The following DAZAP1 variants were observed in gnomAD, a reference collection of about 807,000 sequenced individuals.
The protein encoded by DAZAP1 is DAZ associated protein 1.
A neutral mutation model predicts 60.1 loss-of-function variants in DAZAP1; 6 were observed. The ratio of observed to expected loss-of-function variants is 0.10; its 90% CI spans 0.05 to 0.20. The LOEUF is 0.20. Ranked by LOEUF, DAZAP1 falls within the 10% of genes least tolerant of loss-of-function variation. DAZAP1 has a pLI of 1.00. For synonymous variants in DAZAP1, 235 were observed against 215.9 expected, an observed-to-expected ratio of 1.09 and a Z score of -0.78; for missense variants, 366 against 560.4, an observed-to-expected ratio of 0.65 and a Z score of 3.50.
intron 1 of DAZAP1, chr19:1,410,159 T>C (rs991685200): frequency 6.6e-6 from 1 of 152,328 alleles, no homozygotes; most frequent in African/African-American, 2.4e-5. Context: ...GTCCCTGTGC[T>C]GGCTTAGAAG....
chr19:1,415,024 C>T lies in DAZAP1; in HGVS notation c.30-2476C>T, dbSNP rs536572823. On this transcript the variant is annotated intron_variant, in intron 1 of 11. Transcript: ENST00000233078. ...CAGGCTGGTCTTGAACTCCTGGCCT[C>T]CCGTAATGCTGTGATTATAGGCGTG... 1.5e-4 allele frequency among the ~76,000 whole-genome samples: 23 copies of T among 152,026 alleles called. No individual in the cohort carries two copies. The South Asian group carries it at 3.7e-3, about 25-fold the overall frequency.
intron 1 of DAZAP1, among the ~76,000 whole-genome samples, chr19:1,410,570 C>A (rs1313609358): frequency 6.6e-6 from 1 of 152,246 alleles, no homozygotes; most frequent in Non-Finnish European, 1.5e-5. Context: ...TTGAGCGCCT[C>A]TGACTTGGAT....
chr19:1,414,860 G>C, intron 1 of DAZAP1, among the ~76,000 whole-genome samples: 1 of 149,924 alleles, frequency 6.7e-6, no homozygotes. Context: ...TGAGATCTCT[G>C]TCACCCCTGC....
chr19:1,417,080 C>T (rs958626190), intron 1 of DAZAP1: 2 of 199,048 alleles, frequency 1.0e-5, no homozygotes, highest in Admixed American at 6.5e-5. Context: ...GCATAGGCTT[C>T]TAGTTTACTG....
At position 1,426,222 on chromosome 19, in the gene DAZAP1, G is replaced by A; in HGVS notation, c.546+262G>A. 1 of 448,614 alleles carries A rather than the reference G, an allele frequency of 2.2e-6. No individual in the cohort carries two copies. Among genetic ancestry groups the A allele is most frequent in the Admixed American group, 3.6e-5 (1 of 27,410 alleles). The allele number at this position is 448,614 out of a possible 1,614,324, so 27.8% of individuals were successfully genotyped here. The stretch of plus-strand genomic sequence containing the variant: ...TGACCTGGGACTGGGCGGGTAGGGG[G>A]CTGGGGCTGGGAGGCTGTGGCGGTG... On this transcript the variant is annotated intron_variant, in intron 7 of 11. Transcript: ENST00000233078. The surrounding 1 kb of genome is among the most constrained non-coding windows in gnomAD (Gnocchi z 5.4).
chr19:1,427,270 A>C (rs2083327762), intron 7 of DAZAP1: 1 of 152,344 alleles, frequency 6.6e-6, no homozygotes, highest in Non-Finnish European at 1.5e-5. Context: ...ACGGGGCAGA[A>C]AGAGCTCTGT....
chr19:1,434,894 C>A lies in DAZAP1; in HGVS notation c.1206C>A (p.Phe402Leu). ...GGCAGAACCACAACGTGCAAGGGTT[C>A]CACCCCTACCGACGCTAGCCCGCGG... is the stretch of plus-strand genomic sequence containing the variant. ...GRGQNHNVQG[F>L]HPYRR The change falls in exon 12 of 12, where the codon TTC (phenylalanine) becomes TTA (leucine). Residue 402 changes from phenylalanine to leucine, a missense_variant. By Grantham distance (22) the Phe-to-Leu change is conservative. This residue lies in a region of DAZAP1 where 240 missense variants were observed against 308.8 expected (regional missense o/e 0.78). Transcript: ENST00000233078. The surrounding 1 kb of genome is among the most constrained non-coding windows in gnomAD (Gnocchi z 8.0). 6.6e-7 allele frequency: 1 copy of A among 1,525,518 alleles called. No homozygotes were observed. Among genetic ancestry groups the A allele is most frequent in the Non-Finnish European group, 8.8e-7 (1 of 1,137,418 alleles). The allele number at this position is 1,525,518 out of a possible 1,614,324, so 94.5% of individuals were successfully genotyped here.
rs2083301436 is a variant in DAZAP1 at position 1,426,215 on chromosome 19, G to T, written c.546+255G>T. 1.3e-5 allele frequency: 6 copies of T among 458,052 alleles called. No homozygotes were observed. Among genetic ancestry groups the T allele is most frequent in the Non-Finnish European group, 4.0e-6 (1 of 248,250 alleles). The allele number at this position is 458,052 out of a possible 1,614,324, so 28.4% of individuals were successfully genotyped here. On this transcript the variant is annotated intron_variant, in intron 7 of 11. Transcript: ENST00000233078. The surrounding 1 kb of genome is among the most constrained non-coding windows in gnomAD (Gnocchi z 5.4). The stretch of plus-strand genomic sequence containing the variant: ...CTCTGGGTGACCTGGGACTGGGCGG[G>T]TAGGGGGCTGGGGCTGGGAGGCTGT...
In DAZAP1 at chr19:1,430,023, C is replaced by T. The variant is rs201811886; in HGVS notation, c.730+27C>T. 2.4e-5 allele frequency: 38 copies of T among 1,575,086 alleles called. No homozygotes were observed. Among genetic ancestry groups the T allele is most frequent in the South Asian group, 2.2e-4 (19 of 86,616 alleles). ...TAAGTCCTTGTTTATAGAGCAAAGG[C>T]GGGGACAGAAGCCACATGGCAGGCT... On this transcript the variant is annotated intron_variant, in intron 9 of 11. Coordinates refer to ENST00000233078, the MANE Select transcript of DAZAP1 (RefSeq NM_018959.4).
In DAZAP1 at chr19:1,434,583, G is replaced by T. The variant is rs549583311; in HGVS notation, c.1049-154G>T. 1 of 670,260 alleles carries T rather than the reference G, an allele frequency of 1.5e-6. No individual in the cohort carries two copies. The highest frequency in any genetic ancestry group is 1.9e-5 in the South Asian group (1 of 52,220). 41.5% of individuals were successfully genotyped at this position (670,260 alleles called of 1,614,324 possible). A position where few individuals can be genotyped will look rare whatever the true frequency, so the allele number is the denominator to read the frequency against. On this transcript the variant is annotated intron_variant, in intron 11 of 11. Coordinates refer to ENST00000233078, the MANE Select transcript of DAZAP1 (RefSeq NM_018959.4). This position sits in a 1 kb window ranked among gnomAD's most constrained non-coding sequence, Gnocchi z 8.0. ...AGAACATGCCCGGGGTCCTCTCCCC[G>T]GCCCAGGTGCTGGCCTCAGAAGGGC... is the stretch of plus-strand genomic sequence containing the variant.
At chr19:1,429,933 C>T (rs972148049) in intron 8 of DAZAP1, 34 bp from the exon 9 acceptor site, 22 of 1,556,306 alleles carry the variant, frequency 1.4e-5, no homozygotes, top group Middle Eastern at 1.7e-4. Flanking sequence ...CTGGTGGACA[C>T]GGCGCCAACC....
rs1381367711 is a variant in DAZAP1 at position 1,425,285 on chromosome 19, G to A, written c.464-593G>A. On this transcript the variant is annotated intron_variant, in intron 6 of 11. Coordinates refer to ENST00000233078, the MANE Select transcript of DAZAP1 (RefSeq NM_018959.4). The surrounding 1 kb of genome is among the most constrained non-coding windows in gnomAD (Gnocchi z 5.4). ...AGATACTGTATCTGTTAACGCTTTA[G>A]AACGATATATGGCTGCTGTCAGCAC... is the stretch of plus-strand genomic sequence containing the variant. Among the ~76,000 whole-genome samples the A allele has an allele frequency of 1.3e-5, 2 of 152,218 alleles. No individual in the cohort carries two copies. The highest frequency in any genetic ancestry group is 2.9e-5 in the Non-Finnish European group (2 of 68,032).
intron 4 of DAZAP1, among the ~76,000 whole-genome samples, chr19:1,419,967 T>G (rs1394562447): frequency 7.5e-4 from 39 of 51,778 alleles, no homozygotes; most frequent in East Asian, 2.0e-3. Context: ...AAACCATCCC[T>G]ACAGTCACGG....
At position 1,415,353 on chromosome 19, in the gene DAZAP1, A is replaced by ATGTGTGTGTGTGTG. The variant is rs61360796; in HGVS notation, c.30-2123_30-2110dup. 3.7e-3 allele frequency among the ~76,000 whole-genome samples: 410 copies of ATGTGTGTGTGTGTG among 109,390 alleles called. 7 individuals are homozygous for ATGTGTGTGTGTGTG. The highest frequency in any genetic ancestry group is 4.8e-3 in the Non-Finnish European group (279 of 57,930). The allele number at this position is 109,390 out of a possible 152,430, so 71.8% of individuals were successfully genotyped here. On this transcript the variant is annotated intron_variant, in intron 1 of 11. Coordinates refer to ENST00000233078, the MANE Select transcript of DAZAP1 (RefSeq NM_018959.4). ...GATTTGGTTTGGTTTTCAGGGTTTT[A>ATGTGTGTGTGTGTG]TGTGTGTGTGTGTGTGTGTGTGTGT...
chr19:1,407,759 G>A lies in DAZAP1; in HGVS notation c.-15G>A. The stretch of plus-strand genomic sequence containing the variant: ...AGGAGGCCCGGGAGCGCCGAGCGTC[G>A]CCGCCGCCGCCGCCATGAACAACTC... On this transcript the variant is annotated 5_prime_UTR_variant, in exon 1 of 12. Transcript: ENST00000233078. The A allele has an allele frequency of 2.8e-6, 3 of 1,083,080 alleles. No individual in the cohort carries two copies. Among genetic ancestry groups the A allele is most frequent in the Non-Finnish European group, 2.2e-6 (2 of 893,744 alleles). 67.1% of individuals were successfully genotyped at this position (1,083,080 alleles called of 1,614,324 possible).
intron 4 of DAZAP1, 90 bp from the exon 5 acceptor site, chr19:1,421,058 C>G (rs1600215756): frequency 1.8e-6 from 2 of 1,139,410 alleles, no homozygotes; most frequent in East Asian, 4.7e-5. Flanking sequence ...CTCTTTAAAC[C>G]AGCGCGGATT....
chr19:1,433,558 C>G lies in DAZAP1; in HGVS notation c.1048+868C>G, dbSNP rs543297771. 8.5e-6 allele frequency: 5 copies of G among 587,964 alleles called. No homozygotes were observed. Among genetic ancestry groups the G allele is most frequent in the Non-Finnish European group, 1.5e-5 (5 of 329,278 alleles). The allele number at this position is 587,964 out of a possible 1,614,324, so 36.4% of individuals were successfully genotyped here. On this transcript the variant is annotated intron_variant, in intron 11 of 11. Transcript: ENST00000233078. The surrounding 1 kb of genome is among the most constrained non-coding windows in gnomAD (Gnocchi z 6.1). The stretch of plus-strand genomic sequence containing the variant: ...CATGGCTGTGGTTCCCCTGCCCCCA[C>G]GCCCAGGCCTTGGGCCGAGGTTGCC...
At position 1,425,531 on chromosome 19, in the gene DAZAP1, G is replaced by A. The variant is rs1481924976; in HGVS notation, c.464-347G>A. Among the ~76,000 whole-genome samples the A allele has an allele frequency of 6.6e-6, 1 of 152,212 alleles. No individual in the cohort carries two copies. Among genetic ancestry groups the A allele is most frequent in the Non-Finnish European group, 1.5e-5 (1 of 68,040 alleles). On this transcript the variant is annotated intron_variant, in intron 6 of 11. Transcript: ENST00000233078. The surrounding 1 kb of genome is among the most constrained non-coding windows in gnomAD (Gnocchi z 5.4). ...GCTTTGTCTGCCAGTAGCGATGGAGGCCCTCACCGTTCCCCTGTCTCCGCT... is the reference window on the plus strand; with the variant it reads ...GCTTTGTCTGCCAGTAGCGATGGAGACCCTCACCGTTCCCCTGTCTCCGCT...
At position 1,434,648 on chromosome 19, in the gene DAZAP1, C is replaced by T; in HGVS notation, c.1049-89C>T. 1 of 1,437,260 alleles carries T rather than the reference C, an allele frequency of 7.0e-7. No individual in the cohort carries two copies. The highest frequency in any genetic ancestry group is 9.6e-7 in the Non-Finnish European group (1 of 1,041,896). 89.0% of individuals were successfully genotyped at this position (1,437,260 alleles called of 1,614,324 possible). On this transcript the variant is annotated intron_variant, in intron 11 of 11. Coordinates refer to ENST00000233078, the MANE Select transcript of DAZAP1 (RefSeq NM_018959.4). This position sits in a 1 kb window ranked among gnomAD's most constrained non-coding sequence, Gnocchi z 8.0. ...GTGGGACCCGTGGACTCAAGGCAGG[C>T]TCGGCGGAGCTGTGTCCAGGTGGCC...
Sources: gnomAD v4.1 joint callset for allele counts (sites outside exome capture counted in the v4.1 genomes callset) on GRCh38, gnomAD v4.1.1 for gene constraint, gnomAD v4.1.1 regional missense constraint, Gnocchi (gnomAD v3.1) non-coding constraint, MANE v1.5 for transcripts, NCBI Gene and HGNC (gene_info 2026-07-23, HGNC 2026-07-21) for gene names.